The following SF3B3 variants were observed in gnomAD, a reference collection of about 807,000 sequenced individuals.
SF3B3 encodes the protein SAP 130.
Under a neutral mutation model 139.2 loss-of-function variants are expected in SF3B3, and 33 were observed. The observed-to-expected ratio is 0.24, with a 90% CI of 0.18 to 0.32. The LOEUF (loss-of-function observed/expected upper bound fraction) is 0.32. Among genes scored for constraint, SF3B3 ranks in the 10% least tolerant of loss-of-function variants. The pLI is 1.00. For synonymous variants in SF3B3, 596 were observed against 563.6 expected, an observed-to-expected ratio of 1.06 and a Z score of -0.81; for missense variants, 818 against 1,509.4, an observed-to-expected ratio of 0.54 and a Z score of 7.59.
At chr16:70,554,694 C>A in intron 12 of SF3B3, 97 bp downstream of exon 12, 2 of 1,266,112 alleles carry the variant, frequency 1.6e-6, no homozygotes, top group South Asian at 1.3e-5. Flanking sequence ...TCACCCTCAC[C>A]TTCCAGCAAG....
At chr16:70,561,809 T>C in intron 17 of SF3B3, 25 bp downstream of exon 17, 1 of 1,608,006 alleles carries the variant, frequency 6.2e-7, no homozygotes. Flanking sequence ...TGTTTGAAGC[T>C]CAGCAGGAAG....
At chr16:70,525,689 G>A (rs2050055274) in intron 1 of SF3B3, among the ~76,000 whole-genome samples, 1 of 151,952 alleles carries the variant, frequency 6.6e-6, no homozygotes, top group African/African-American at 2.4e-5. Flanking sequence ...TCTATGGGCT[G>A]GGCGCGGTGG....
At chr16:70,552,502 A>G (rs2050337056) in intron 11 of SF3B3, among the ~76,000 whole-genome samples, 1 of 152,222 alleles carries the variant, frequency 6.6e-6, no homozygotes, top group Non-Finnish European at 1.5e-5. Flanking sequence ...TATGATAGTG[A>G]GTAGTGCTTA....
intron 8 of SF3B3, among the ~76,000 whole-genome samples, chr16:70,539,991 G>T (rs1206750116): frequency 6.6e-6 from 1 of 151,254 alleles, no homozygotes; most frequent in Non-Finnish European, 1.5e-5. Flanking sequence ...AGTCAGGCTG[G>T]TCTCGAACTT....
intron 23 of SF3B3, 112 bp downstream of exon 23, chr16:70,569,253 G>A (rs2050506063): frequency 1.0e-5 from 7 of 694,840 alleles, no homozygotes; most frequent in Non-Finnish European, 1.7e-5. Context: ...ACTGTGCTGA[G>A]TGCTGTCCGT....
At position 70,576,540 on chromosome 16, in the gene SF3B3, A is replaced by G. The variant is rs947053684; in HGVS notation, c.*4727A>G. On this transcript the variant is annotated 3_prime_UTR_variant, in exon 26 of 26. Transcript: ENST00000302516. ...GTTACTAATTTGGAGCCGTGAGTATATGTGTATAAGCTAGTAACACGTGAT... is the reference window on the plus strand; with the variant it reads ...GTTACTAATTTGGAGCCGTGAGTATGTGTGTATAAGCTAGTAACACGTGAT... 5 of 152,202 alleles carry G rather than the reference A, an allele frequency of 3.3e-5. No individual in the cohort carries two copies. The East Asian group carries it at 5.8e-4, about 18-fold the overall frequency. 9.4% of individuals were successfully genotyped at this position (152,202 alleles called of 1,614,324 possible).
Position 70,569,989 on chromosome 16 carries a change from C to G in SF3B3, c.3265-17C>G, listed in dbSNP as rs2050513250. The G allele has an allele frequency of 1.2e-6, 2 of 1,613,644 alleles. No individual in the cohort carries two copies. The highest frequency in any genetic ancestry group is 1.7e-6 in the Non-Finnish European group (2 of 1,179,712). On this transcript the variant is annotated splice_polypyrimidine_tract_variant and intron_variant, in intron 23 of 25. Transcript: ENST00000302516. ...CCTGAGGGTGCACACAGTCACTAGT[C>G]TGTTTGTGACTCACAGGCAGAGGTG...
At chr16:70,532,664 AT>A in intron 5 of SF3B3, 44 bp downstream of exon 5, 1 of 1,593,558 alleles carries the variant, frequency 6.3e-7, no homozygotes, top group Non-Finnish European at 8.6e-7. Context: ...TACTTGGTTC[AT>A]TTTATGCCCA....
intron 14 of SF3B3, chr16:70,556,660 C>A (rs1567420546): frequency 1.6e-6 from 1 of 611,498 alleles, no homozygotes; most frequent in Non-Finnish European, 2.8e-6. Flanking sequence ...GCTTAATTAC[C>A]TTTGCCATTA....
intron 5 of SF3B3, 84 bp downstream of exon 5, chr16:70,532,704 G>C: frequency 7.3e-7 from 1 of 1,364,692 alleles, no homozygotes; most frequent in Non-Finnish European, 1.0e-6. Flanking sequence ...TAAAGGGTTT[G>C]GGAATTAATC....
At chr16:70,534,198 G>A (rs1181221138) in intron 5 of SF3B3, among the ~76,000 whole-genome samples, 1 of 152,196 alleles carries the variant, frequency 6.6e-6, no homozygotes, top group African/African-American at 2.4e-5. Flanking sequence ...GTTGGAGTGG[G>A]AGAGGAAGTT....
Position 70,573,645 on chromosome 16 carries a change from C to T in SF3B3, c.*1832C>T. On this transcript the variant is annotated 3_prime_UTR_variant, in exon 26 of 26. Coordinates refer to ENST00000302516, the MANE Select transcript of SF3B3 (RefSeq NM_012426.5). ...AATTAGATTGGATGTGACTCAATGA[C>T]AAGTCCCATCTGTGTAATTGTTAAG... The T allele has an allele frequency of 6.6e-6, 1 of 152,232 alleles. No individual in the cohort carries two copies. Among genetic ancestry groups the T allele is most frequent in the Non-Finnish European group, 1.5e-5 (1 of 68,052 alleles). The allele number at this position is 152,232 out of a possible 1,614,324, so 9.4% of individuals were successfully genotyped here.
intron 24 of SF3B3, 110 bp from the exon 25 acceptor site, chr16:70,570,985 C>T (rs905456033): frequency 1.6e-5 from 12 of 760,648 alleles, no homozygotes; most frequent in Admixed American, 3.8e-5. Flanking sequence ...AGATATTTCC[C>T]GTGTGTTTGT....
At chr16:70,567,031 G>C (rs1407564221) in intron 20 of SF3B3, among the ~76,000 whole-genome samples, 2 of 150,474 alleles carry the variant, frequency 1.3e-5, no homozygotes, top group East Asian at 3.9e-4. Flanking sequence ...TTCAGCCTGA[G>C]CAGTAGTGAG....
rs1004872765 is a variant in SF3B3 at position 70,565,059 on chromosome 16, G to T, written c.2464-6G>T. 4 of 1,612,804 alleles carry T rather than the reference G, an allele frequency of 2.5e-6. No homozygotes were observed. Among genetic ancestry groups the T allele is most frequent in the Non-Finnish European group, 2.5e-6 (3 of 1,179,982 alleles). ...CCAACTCAGTTACTCGTTTTTTTGG[G>T]TTTAGGAAATGGTGGAAGCAGCAGG... On this transcript the variant is annotated splice_region_variant and splice_polypyrimidine_tract_variant and intron_variant, in intron 18 of 25. Coordinates refer to ENST00000302516, the MANE Select transcript of SF3B3 (RefSeq NM_012426.5).
At chr16:70,531,451 A>G (rs552378221) in intron 4 of SF3B3, among the ~76,000 whole-genome samples, 2 of 152,058 alleles carry the variant, frequency 1.3e-5, no homozygotes, top group Admixed American at 1.3e-4. Context: ...TAATTTTTGT[A>G]TTTTTAGTAG....
chr16:70,533,327 GAAAAAGT>G (rs377511485), intron 5 of SF3B3, among the ~76,000 whole-genome samples: 47 of 151,728 alleles, frequency 3.1e-4, no homozygotes, highest in African/African-American at 1.0e-3. Flanking sequence ...TTGTCTCAAT[GAAAAAGT>G]AAATATTAAA....
chr16:70,557,453 G>A (rs969565138), intron 15 of SF3B3, among the ~76,000 whole-genome samples: 4 of 152,178 alleles, frequency 2.6e-5, no homozygotes, highest in Non-Finnish European at 5.9e-5. Context: ...GTGCTTTAAC[G>A]CTAAGATAGT....
chr16:70,531,646 T>G lies in SF3B3; in HGVS notation c.570+729T>G, dbSNP rs148706193. ...TTCCAAATGCCTTACTGAAATTCTT[T>G]GGGATGCTTCAGAGGTTAAGCAACT... On this transcript the variant is annotated intron_variant, in intron 4 of 25. Transcript: ENST00000302516. Among the ~76,000 whole-genome samples, 6 of 152,348 alleles carry G rather than the reference T, an allele frequency of 3.9e-5. No homozygotes were observed. The East Asian group carries it at 9.7e-4, about 25-fold the overall frequency.
Sources: allele counts gnomAD v4.1 joint callset (sites outside exome capture counted in the v4.1 genomes callset), GRCh38; gene constraint gnomAD v4.1.1; transcripts MANE v1.5; gene names NCBI Gene and HGNC (gene_info 2026-07-23, HGNC 2026-07-21).